The following CUX2 variants were observed in gnomAD, a reference collection of about 807,000 sequenced individuals.
CUX2 encodes homeobox protein cut-like 2.
CUX2 carries 40 observed loss-of-function variants against 144.8 expected under a neutral mutation model. The ratio of observed to expected loss-of-function variants is 0.28; its 90% confidence interval spans 0.21 to 0.36. CUX2 has a LOEUF of 0.36. Ranked by LOEUF, CUX2 falls within the 10% of genes least tolerant of loss-of-function variation. CUX2 has a pLI of 1.00. For synonymous variants in CUX2, 827 were observed against 875.6 expected (o/e 0.94, Z 0.98); for missense variants, 1,615 against 1,994.0 (o/e 0.81, Z 3.62).
chr12:111,158,810 C>T (rs961060867), intron 1 of CUX2, among the ~76,000 whole-genome samples: 1 of 152,124 alleles, frequency 6.6e-6, no homozygotes, highest in Non-Finnish European at 1.5e-5. Flanking sequence ...GCCCGGTCAG[C>T]CCAGCTTCCC....
In CUX2 at chr12:111,035,110, C is replaced by T. The variant is rs940461207; in HGVS notation, c.63+870C>T. Among the ~76,000 whole-genome samples, 3 of 152,204 alleles carry T rather than the reference C, an allele frequency of 2.0e-5. No individual in the cohort carries two copies. Among genetic ancestry groups the T allele is most frequent in the Non-Finnish European group, 2.9e-5 (2 of 68,028 alleles). On this transcript the variant is annotated intron_variant, in intron 1 of 21. Coordinates refer to ENST00000261726, the MANE Select transcript of CUX2 (RefSeq NM_015267.4). This position sits in a 1 kb window ranked among gnomAD's most constrained non-coding sequence, Gnocchi z 6.0. ...CGCAGAGCAGGTGACTCCCAGCCCT[C>T]GGGCCCAAGGGAACTTTTAAATGAG...
intron 1 of CUX2, among the ~76,000 whole-genome samples, chr12:111,112,362 A>C (rs575575765): frequency 1.3e-5 from 2 of 152,350 alleles, no homozygotes; most frequent in East Asian, 3.9e-4. Context: ...AGCATCTGGA[A>C]TTAGTGAACC....
chr12:111,283,344 A>G (rs969606478), intron 4 of CUX2, among the ~76,000 whole-genome samples: 3 of 152,282 alleles, frequency 2.0e-5, no homozygotes, highest in Non-Finnish European at 4.4e-5. Flanking sequence ...AGCATCGGGC[A>G]GGACTACCCC....
chr12:111,248,052 C>G (rs57000645), intron 3 of CUX2, among the ~76,000 whole-genome samples: 12,997 of 152,168 alleles, frequency 0.085, 1,242 homozygotes, highest in African/African-American at 0.24. Context: ...CCCGCCACCA[C>G]GCCTGGCTAA....
At position 111,330,070 on chromosome 12, in the gene CUX2, G is replaced by A. The variant is rs539306445; in HGVS notation, c.2927-4371G>A. On this transcript the variant is annotated intron_variant, in intron 18 of 21. Coordinates refer to ENST00000261726, the MANE Select transcript of CUX2 (RefSeq NM_015267.4). ...ATGGCATCAGTGTTGGTAACAGTGA[G>A]CCTGGAACATGCCCACGTCAGCCTT... Among the ~76,000 whole-genome samples, 6 of 152,312 alleles carry A rather than the reference G, an allele frequency of 3.9e-5. No homozygotes were observed. The South Asian group carries it at 1.2e-3, about 32-fold the overall frequency.
intron 1 of CUX2, among the ~76,000 whole-genome samples, chr12:111,074,832 G>A (rs1233122593): frequency 2.0e-5 from 3 of 151,956 alleles, no homozygotes; most frequent in Non-Finnish European, 2.9e-5. Flanking sequence ...TCGTGGTACC[G>A]GCCAGGTCTG....
intron 1 of CUX2, among the ~76,000 whole-genome samples, chr12:111,103,769 T>G (rs1220140260): frequency 6.6e-6 from 1 of 152,224 alleles, no homozygotes; most frequent in Non-Finnish European, 1.5e-5. Flanking sequence ...CGGTCAGGTG[T>G]CTGCCTTCAG....
Position 111,277,412 on chromosome 12 carries a change from T to C in CUX2, c.301+13573T>C, listed in dbSNP as rs534421642. On this transcript the variant is annotated intron_variant, in intron 4 of 21. Coordinates refer to ENST00000261726, the MANE Select transcript of CUX2 (RefSeq NM_015267.4). This position sits in a 1 kb window ranked among gnomAD's most constrained non-coding sequence, Gnocchi z 5.0. Reference sequence around the variant, plus strand: ...CCATTTCCTTATCTGATGCAAGCCGTTTCTCCTGGTATTTCCTGTGTCTAG... The same window carrying C: ...CCATTTCCTTATCTGATGCAAGCCGCTTCTCCTGGTATTTCCTGTGTCTAG... 1.3e-5 allele frequency among the ~76,000 whole-genome samples: 2 copies of C among 152,122 alleles called. No homozygotes were observed. Among genetic ancestry groups the C allele is most frequent in the Admixed American group, 1.3e-4 (2 of 15,282 alleles).
At chr12:111,194,279 C>T (rs755140308) in intron 1 of CUX2, among the ~76,000 whole-genome samples, 20 of 152,168 alleles carry the variant, frequency 1.3e-4, no homozygotes, top group African/African-American at 4.3e-4. Flanking sequence ...CACAGGGCCA[C>T]GCACGTGATA....
At chr12:111,163,119 C>T (rs892455369) in intron 1 of CUX2, among the ~76,000 whole-genome samples, 4 of 152,060 alleles carry the variant, frequency 2.6e-5, no homozygotes, top group Admixed American at 2.6e-4. Flanking sequence ...GACTGGCTGC[C>T]TGACCTTGAG....
At chr12:111,275,859 G>A (rs1198605094) in intron 4 of CUX2, among the ~76,000 whole-genome samples, 3 of 152,078 alleles carry the variant, frequency 2.0e-5, no homozygotes, top group Non-Finnish European at 4.4e-5. Flanking sequence ...CTCAGGAGAG[G>A]CGGCCCAGGC....
chr12:111,099,729 G>A (rs956360489), intron 1 of CUX2: 10 of 455,936 alleles, frequency 2.2e-5, no homozygotes, highest in Non-Finnish European at 3.5e-5. Context: ...ATTGGGCGCC[G>A]AAACTGGGGC....
chr12:111,162,155 G>T (rs193096380), intron 1 of CUX2, among the ~76,000 whole-genome samples: 44 of 152,362 alleles, frequency 2.9e-4, no homozygotes, highest in Admixed American at 1.7e-3. Flanking sequence ...CCACTAGTAA[G>T]CGGCATTGCC....
intron 1 of CUX2, among the ~76,000 whole-genome samples, chr12:111,211,902 A>T (rs916430392): frequency 1.3e-5 from 2 of 151,888 alleles, no homozygotes; most frequent in South Asian, 2.1e-4. Flanking sequence ...AAAAAAAAAA[A>T]GTGTCAGACA....
chr12:111,115,857 T>G (rs540428767), intron 1 of CUX2, among the ~76,000 whole-genome samples: 1 of 152,336 alleles, frequency 6.6e-6, no homozygotes, highest in East Asian at 1.9e-4. Context: ...AAAGATCAGG[T>G]CTGCCTTGTT....
At chr12:111,042,816 G>A (rs1421756510) in intron 1 of CUX2, among the ~76,000 whole-genome samples, 6 of 145,490 alleles carry the variant, frequency 4.1e-5, no homozygotes, top group Non-Finnish European at 9.0e-5. Flanking sequence ...TTTTTTTAAC[G>A]TAGAAGTGGA....
intron 1 of CUX2, among the ~76,000 whole-genome samples, chr12:111,117,080 T>G (rs1874350610): frequency 6.6e-6 from 1 of 152,196 alleles, no homozygotes; most frequent in African/African-American, 2.4e-5. Flanking sequence ...TGATCTAGGT[T>G]GAAAAGAGGG....
rs573123343 is a variant in CUX2 at position 111,320,523 on chromosome 12, G to A, written c.2514G>A (p.Ala838=). Residue 838 remains alanine (A), a synonymous_variant, in exon 17 of 22, where the codon GCG becomes GCA. Transcript: ENST00000261726. This position sits in a 1 kb window ranked among gnomAD's most constrained non-coding sequence, Gnocchi z 8.1. ...DEAPVPPEDE[A]AAGAEDEPPR... is the part of the protein sequence containing the mutation. ...CCCCTGTGCCCCCCGAGGACGAGGCGGCGGCAGGGGCGGAGGACGAACCCC... is the reference window on the plus strand; with the variant it reads ...CCCCTGTGCCCCCCGAGGACGAGGCAGCGGCAGGGGCGGAGGACGAACCCC... 4.5e-6 allele frequency: 7 copies of A among 1,561,188 alleles called. No homozygotes were observed. Among genetic ancestry groups the A allele is most frequent in the South Asian group, 2.3e-5 (2 of 87,332 alleles).
intron 3 of CUX2, among the ~76,000 whole-genome samples, chr12:111,231,817 T>C (rs998804183): frequency 6.6e-6 from 1 of 152,198 alleles, no homozygotes; most frequent in African/African-American, 2.4e-5. Flanking sequence ...ATTTAAAGTA[T>C]ACAGGAGGGG....
Sources: allele counts gnomAD v4.1 joint callset (sites outside exome capture counted in the v4.1 genomes callset), GRCh38; gene constraint gnomAD v4.1.1; non-coding constraint Gnocchi (gnomAD v3.1); transcripts MANE v1.5; gene names NCBI Gene and HGNC (gene_info 2026-07-23, HGNC 2026-07-21).